HTT: variants seen among roughly 807,000 people sequenced by gnomAD.
The protein encoded by HTT is huntingtin, also known as huntington disease protein.
In HTT, 104 loss-of-function variants were observed where a neutral mutation model predicts 362.3. The observed-to-expected ratio is 0.29, with a 90% CI of 0.24 to 0.34. HTT has a LOEUF of 0.34. Among genes scored for constraint, HTT ranks in the 10% least tolerant of loss-of-function variants. The pLI is 1.00. For synonymous variants in HTT, 1,577 were observed against 1,548.7 expected (o/e 1.02, Z -0.43); for missense variants, 3,301 against 3,928.6 (o/e 0.84, Z 4.27).
intron 21 of HTT, among the ~76,000 whole-genome samples, chr4:3,138,333 C>G (rs1716182267): frequency 6.6e-6 from 1 of 152,054 alleles, no homozygotes; most frequent in African/African-American, 2.4e-5. Flanking sequence ...TTTTAGTACA[C>G]CTGTCACCCG....
At chr4:3,127,661 C>A in intron 12 of HTT, 57 bp downstream of exon 12, 2 of 1,346,024 alleles carry the variant, frequency 1.5e-6, no homozygotes, top group South Asian at 2.7e-5. Context: ...GAGACAGAGT[C>A]TCACTCCATA....
Position 3,148,104 on chromosome 4 carries a change from G to A in HTT, c.3395G>A (p.Arg1132Gln), listed in dbSNP as rs542613235. 3.8e-5 allele frequency: 61 copies of A among 1,614,026 alleles called. No individual in the cohort carries two copies. In the East Asian group the frequency reaches 4.2e-4, roughly 11 times the overall value. Residue 1132 changes from arginine (R) to glutamine (Q), a missense_variant, in exon 26 of 67, where the codon CGG becomes CAG. Arg to Gln is a conservative substitution (Grantham distance 43). Around this residue, in one of 4 missense-constraint regions of HTT, gnomAD observed 2,316 missense variants for 2,658.5 expected, o/e 0.87. Coordinates refer to ENST00000355072, the MANE Select transcript of HTT (RefSeq NM_001388492.1). ...GAGGTCTGGCCAGCCCTGGGGGACC[G>A]GGCCCTGGTGCCCATGGTGGAGCAG... ...QEEVWPALGD[R>Q]ALVPMVEQLF... is the part of the protein sequence containing the mutation.
Position 3,127,381 on chromosome 4 carries a change from C to A in HTT, c.1520C>A (p.Ala507Glu). The part of the protein sequence containing the change: ...EQPRSQHTLQ[A>E]DSVDLASCDL... ...CCACGGTCACAGCACACACTGCAGG[C>A]GGACTCAGTGGATCTGGCCAGCTGT... Residue 507 changes from alanine (A) to glutamate (E), a missense_variant, in exon 12 of 67, where the codon GCG (alanine) becomes GAG (glutamate). Ala to Glu is a moderately radical substitution (Grantham distance 107, BLOSUM62 -1). Around this residue, in one of 4 missense-constraint regions of HTT, gnomAD observed 2,316 missense variants for 2,658.5 expected, o/e 0.87. Coordinates refer to ENST00000355072, the MANE Select transcript of HTT (RefSeq NM_001388492.1). 1 of 1,614,154 alleles carries A rather than the reference C, an allele frequency of 6.2e-7. No homozygotes were observed. Among genetic ancestry groups the A allele is most frequent in the Non-Finnish European group, 8.5e-7 (1 of 1,179,992 alleles).
chr4:3,172,561 C>T (rs903365253), intron 30 of HTT, among the ~76,000 whole-genome samples, 164 bp downstream of exon 30: 1 of 152,208 alleles, frequency 6.6e-6, no homozygotes, highest in Non-Finnish European at 1.5e-5. Flanking sequence ...AAGAGGCCAT[C>T]CTTCCCTTCA....
At chr4:3,085,420 G>A (rs905554060) in intron 1 of HTT, among the ~76,000 whole-genome samples, 1 of 152,180 alleles carries the variant, frequency 6.6e-6, no homozygotes, top group Non-Finnish European at 1.5e-5. Flanking sequence ...ACAGGCGTGA[G>A]CCACACCTGG....
At chr4:3,205,944 A>G (rs1719835251) in intron 42 of HTT, among the ~76,000 whole-genome samples, 1 of 152,150 alleles carries the variant, frequency 6.6e-6, no homozygotes, top group African/African-American at 2.4e-5. Context: ...AATCTTAAAT[A>G]TCTACACTTA....
chr4:3,210,000 C>T lies in HTT; in HGVS notation c.6414+51C>T, dbSNP rs1198820265. ...GAATCCTCAGCTTTTCTTGTGACTT[C>T]CAAGTGGGATTTGTCTCATCATCAT... On this transcript the variant is annotated intron_variant, in intron 47 of 66. Transcript: ENST00000355072. 6 of 1,599,532 alleles carry T rather than the reference C, an allele frequency of 3.8e-6. No homozygotes were observed. The African/African-American group carries it at 8.0e-5, about 21-fold the overall frequency.
At chr4:3,083,725 A>C (rs913204439) in intron 1 of HTT, among the ~76,000 whole-genome samples, 1 of 152,168 alleles carries the variant, frequency 6.6e-6, no homozygotes, top group Admixed American at 6.5e-5. Context: ...ACAGTTTGGC[A>C]GTTTGTCATA....
At chr4:3,176,666 A>G (rs1032601569) in intron 33 of HTT, among the ~76,000 whole-genome samples, 19 of 152,182 alleles carry the variant, frequency 1.2e-4, no homozygotes, top group Non-Finnish European at 2.5e-4. Context: ...CCTTTCATCA[A>G]CCGGTCCCCT....
rs755693127 is a variant in HTT, at chr4:3,233,149, C to T, written c.8266-14C>T. On this transcript the variant is annotated splice_polypyrimidine_tract_variant and intron_variant, in intron 60 of 66. Transcript: ENST00000355072. ...TCTGGTGGCATGCAGCAGCTTTTGTCTGTGTGTGCCTAGGACAAGGCCGTG... is the reference window on the plus strand; with the variant it reads ...TCTGGTGGCATGCAGCAGCTTTTGTTTGTGTGTGCCTAGGACAAGGCCGTG... 1.3e-6 allele frequency: 2 copies of T among 1,568,128 alleles called. No individual in the cohort carries two copies. Among genetic ancestry groups the T allele is most frequent in the African/African-American group, 2.7e-5 (2 of 74,282 alleles).
rs373379676 is a variant in HTT, at chr4:3,214,170, A to G, written c.6952+35A>G. 7.9e-5 allele frequency: 111 copies of G among 1,407,762 alleles called. 2 individuals are homozygous for G. Among genetic ancestry groups the G allele is most frequent in the East Asian group, 5.6e-4 (21 of 37,192 alleles). The allele number at this position is 1,407,762 out of a possible 1,614,324, so 87.2% of individuals were successfully genotyped here. On this transcript the variant is annotated intron_variant, in intron 50 of 66. Coordinates refer to ENST00000355072, the MANE Select transcript of HTT (RefSeq NM_001388492.1). Reference sequence around the variant, plus strand: ...CGTCCATGAACGGTGGGTTCCTATCATAGTTCCTGTCTGCTTCACCATGTT... The same window carrying G: ...CGTCCATGAACGGTGGGTTCCTATCGTAGTTCCTGTCTGCTTCACCATGTT...
intron 26 of HTT, among the ~76,000 whole-genome samples, chr4:3,149,968 C>G (rs143944259): frequency 5.2e-4 from 79 of 152,320 alleles, no homozygotes; most frequent in African/African-American, 1.6e-3. Context: ...GCCTTTCCCT[C>G]TTTGTATCCT....
intron 41 of HTT, among the ~76,000 whole-genome samples, chr4:3,202,132 T>TA (rs1444282963): frequency 5.9e-5 from 9 of 152,204 alleles, no homozygotes; most frequent in Non-Finnish European, 1.3e-4. Context: ...GGTGAACTGT[T>TA]AGAGTCCTGC....
chr4:3,159,562 A>T (rs558121866), intron 28 of HTT, among the ~76,000 whole-genome samples: 44 of 152,118 alleles, frequency 2.9e-4, no homozygotes, highest in Non-Finnish European at 5.3e-4. Context: ...TGGTATTTAG[A>T]TCCACTCACA....
At chr4:3,205,165 G>C (rs563157781) in intron 42 of HTT, among the ~76,000 whole-genome samples, 1 of 151,872 alleles carries the variant, frequency 6.6e-6, no homozygotes, top group Admixed American at 6.6e-5. Flanking sequence ...ACAAATAAAC[G>C]GAGGAAAATA....
chr4:3,203,629 A>G (rs1719696559), intron 41 of HTT, among the ~76,000 whole-genome samples: 1 of 152,252 alleles, frequency 6.6e-6, no homozygotes, highest in Non-Finnish European at 1.5e-5. Flanking sequence ...GGAGGTTTTC[A>G]TTCTGGCAGT....
chr4:3,181,309 TTGGTC>T (rs1290933270), intron 36 of HTT, among the ~76,000 whole-genome samples: 2 of 152,184 alleles, frequency 1.3e-5, no homozygotes, highest in African/African-American at 4.8e-5. Flanking sequence ...ATTGACAGTG[TTGGTC>T]AAGATGGTAG....
intron 1 of HTT, among the ~76,000 whole-genome samples, chr4:3,078,604 T>C (rs1712697684): frequency 6.6e-6 from 1 of 152,214 alleles, no homozygotes; most frequent in South Asian, 2.1e-4. Flanking sequence ...GTTCTTGCTC[T>C]ATCAGCCAGG....
chr4:3,075,143 G>A lies in HTT; in HGVS notation c.263+55G>A, dbSNP rs1209748188. The A allele has an allele frequency of 5.8e-6, 7 of 1,203,358 alleles. No individual in the cohort carries two copies. In the African/African-American group the frequency reaches 6.4e-5, roughly 11 times the overall value. The allele number at this position is 1,203,358 out of a possible 1,614,324, so 74.5% of individuals were successfully genotyped here. ...CCCGGCGGGTCCCAGGCTACGGCGG[G>A]GATGGCGGTAACCCTGCAGCCTGCG... On this transcript the variant is annotated intron_variant, in intron 1 of 66. Coordinates refer to ENST00000355072, the MANE Select transcript of HTT (RefSeq NM_001388492.1).
Sources: allele counts gnomAD v4.1 joint callset (sites outside exome capture counted in the v4.1 genomes callset), GRCh38; gene constraint gnomAD v4.1.1; regional missense constraint gnomAD v4.1.1; transcripts MANE v1.5; gene names NCBI Gene and HGNC (gene_info 2026-07-23, HGNC 2026-07-21).